The following MTO1 variants were observed in gnomAD, a reference collection of about 807,000 sequenced individuals.
The protein encoded by MTO1 is 5-taurinomethyluridine-[tRNA] synthase subunit MTO1, mitochondrial.
Under a neutral mutation model 71.6 loss-of-function variants are expected in MTO1, and 46 were observed. The observed-to-expected ratio is 0.64, with a 90% CI of 0.51 to 0.82. The LOEUF (loss-of-function observed/expected upper bound fraction) is 0.82. MTO1 is among the 40% of genes least tolerant of loss of function. The pLI is 0.00. For missense variants in MTO1, 773 were observed against 867.5 expected (o/e 0.89, Z 1.37); for synonymous variants, 297 against 312.1 (o/e 0.95, Z 0.51).
intron 10 of MTO1, 121 bp from the exon 11 acceptor site, chr6:73,497,615 G>C: frequency 1.1e-6 from 1 of 944,664 alleles, no homozygotes; most frequent in Non-Finnish European, 1.6e-6. Context: ...CTCATGAAAT[G>C]AGTGTTGAAT....
rs1772207819 is a variant in MTO1, at chr6:73,503,196, TCTC to T, written c.*2464_*2466del. On this transcript the variant is annotated 3_prime_UTR_variant, in exon 12 of 12. Coordinates refer to ENST00000498286, the MANE Select transcript of MTO1 (RefSeq NM_012123.4). ...CAATCATAGCTCACTGCAGCCTTGA[TCTC>T]CTGGGCTCAAGTGATCCTTATGCCT... 1 of 152,102 alleles carries T rather than the reference TCTC, an allele frequency of 6.6e-6. No individual in the cohort carries two copies. The highest frequency in any genetic ancestry group is 1.5e-5 in the Non-Finnish European group (1 of 68,048). The allele number at this position is 152,102 out of a possible 1,614,324, so 9.4% of individuals were successfully genotyped here.
Position 73,506,234 on chromosome 6 carries a change from C to G in MTO1, c.*5499C>G, listed in dbSNP as rs1772281157. On this transcript the variant is annotated 3_prime_UTR_variant, in exon 12 of 12. Coordinates refer to ENST00000498286, the MANE Select transcript of MTO1 (RefSeq NM_012123.4). ...CCTCGTGATCCACCTCCCTCAGCCTCTCAAAGTGCTGGGATTACAGGCATG... is the reference window on the plus strand; with the variant it reads ...CCTCGTGATCCACCTCCCTCAGCCTGTCAAAGTGCTGGGATTACAGGCATG... 6.6e-6 allele frequency: 1 copy of G among 152,310 alleles called. No individual in the cohort carries two copies. Among genetic ancestry groups the G allele is most frequent in the South Asian group, 2.1e-4 (1 of 4,834 alleles). The allele number at this position is 152,310 out of a possible 1,614,324, so 9.4% of individuals were successfully genotyped here.
chr6:73,469,953 C>T (rs772437344), intron 3 of MTO1, among the ~76,000 whole-genome samples: 3 of 151,932 alleles, frequency 2.0e-5, no homozygotes, highest in Admixed American at 6.6e-5. Context: ...TGTGGTAAGC[C>T]GTGATAGTGC....
At position 73,461,847 on chromosome 6, in the gene MTO1, C is replaced by A. The variant is rs1196999388; in HGVS notation, c.-8C>A. 6.2e-7 allele frequency: 1 copy of A among 1,607,812 alleles called. No individual in the cohort carries two copies. Among genetic ancestry groups the A allele is most frequent in the Non-Finnish European group, 8.5e-7 (1 of 1,174,668 alleles). ...CAGCTTCAAAGTCAGATAGATTTTTCTCCCAGCATGTTCTACTTCCGAGGC... is the reference window on the plus strand; with the variant it reads ...CAGCTTCAAAGTCAGATAGATTTTTATCCCAGCATGTTCTACTTCCGAGGC... On this transcript the variant is annotated 5_prime_UTR_variant, in exon 1 of 12. Coordinates refer to ENST00000498286, the MANE Select transcript of MTO1 (RefSeq NM_012123.4).
intron 9 of MTO1, among the ~76,000 whole-genome samples, chr6:73,483,695 G>A (rs1025146789): frequency 1.3e-5 from 2 of 151,606 alleles, no homozygotes; most frequent in African/African-American, 2.4e-5. Context: ...TCGGCTCATC[G>A]CAACCTCCCA....
intron 9 of MTO1, among the ~76,000 whole-genome samples, chr6:73,489,489 A>G (rs561815760): frequency 7.7e-5 from 10 of 129,730 alleles, no homozygotes; most frequent in East Asian, 4.9e-4. Context: ...CCTGTGTCCA[A>G]GTGTTCTCAT....
At chr6:73,466,663 A>G (rs1311468408) in intron 3 of MTO1, 57 bp downstream of exon 3, 1 of 1,487,592 alleles carries the variant, frequency 6.7e-7, no homozygotes, top group African/African-American at 1.4e-5. Context: ...CATGTGAGAA[A>G]TTTATTTTAG....
At chr6:73,469,876 A>G (rs1049506411) in intron 3 of MTO1, among the ~76,000 whole-genome samples, 5 of 151,542 alleles carry the variant, frequency 3.3e-5, no homozygotes, top group African/African-American at 1.2e-4. Context: ...GTGGTGGCAC[A>G]TGCCTGTAAT....
chr6:73,493,934 T>C (rs1771908912), intron 10 of MTO1, among the ~76,000 whole-genome samples: 1 of 152,024 alleles, frequency 6.6e-6, no homozygotes, highest in Non-Finnish European at 1.5e-5. Flanking sequence ...TGAAAATTTT[T>C]ATTATGAAAA....
Position 73,479,979 on chromosome 6 carries a change from C to T in MTO1, c.982C>T (p.Arg328Cys), listed in dbSNP as rs369718258. The T allele has an allele frequency of 6.8e-6, 11 of 1,613,262 alleles. No homozygotes were observed. The highest frequency in any genetic ancestry group is 6.7e-5 in the African/African-American group (5 of 74,850). ...IESKVLRFPN[R>C]LHQVWLEPEG... Reference sequence around the variant, plus strand: ...ATCAAAAGTTTTGCGTTTTCCAAACCGTCTACATCAGGTTTGGTTGGAACC... The same window carrying T: ...ATCAAAAGTTTTGCGTTTTCCAAACTGTCTACATCAGGTTTGGTTGGAACC... The change falls in exon 6 of 12, where the codon CGT (arginine) becomes TGT (cysteine). Residue 328 changes from arginine (R) to cysteine (C), a missense_variant. By Grantham distance (180) the Arg-to-Cys change is radical. Transcript: ENST00000498286.
intron 6 of MTO1, 32 bp downstream of exon 6, chr6:73,480,158 A>C: frequency 6.2e-7 from 1 of 1,603,606 alleles, no homozygotes; most frequent in South Asian, 1.1e-5. Flanking sequence ...CTTCAGTATA[A>C]GGTCAGCATT....
chr6:73,494,289 A>T (rs1160154406), intron 10 of MTO1, among the ~76,000 whole-genome samples: 1 of 152,120 alleles, frequency 6.6e-6, no homozygotes, highest in South Asian at 2.1e-4. Flanking sequence ...GCATTTTGAT[A>T]GAAGGTGTTT....
intron 4 of MTO1, among the ~76,000 whole-genome samples, chr6:73,477,516 T>G (rs1281995885): frequency 2.0e-5 from 3 of 151,456 alleles, no homozygotes; most frequent in Non-Finnish European, 4.4e-5. Context: ...CAGCTTTTTT[T>G]TTTTTTTTGA....
Position 73,506,394 on chromosome 6 carries a change from G to A in MTO1, c.*5659G>A, listed in dbSNP as rs1772287733. ...TGTTGTGGGAGGGACCCACAGGGAG[G>A]TAATTGAATCACAAGGGCCGGTTTT... On this transcript the variant is annotated 3_prime_UTR_variant, in exon 12 of 12. Transcript: ENST00000498286. The A allele has an allele frequency of 6.6e-6, 1 of 152,318 alleles. No individual in the cohort carries two copies. The highest frequency in any genetic ancestry group is 1.5e-5 in the Non-Finnish European group (1 of 68,162). 9.4% of individuals were successfully genotyped at this position (152,318 alleles called of 1,614,324 possible). A position where few individuals can be genotyped will look rare whatever the true frequency, so the allele number is the denominator to read the frequency against.
At chr6:73,487,949 A>C (rs1016234045) in intron 9 of MTO1, 14 of 152,122 alleles carry the variant, frequency 9.2e-5, no homozygotes, top group Admixed American at 2.6e-4. Flanking sequence ...TCCCTTCAAC[A>C]GTGCACAAGA....
chr6:73,463,102 C>T (rs1323690884), intron 1 of MTO1, among the ~76,000 whole-genome samples: 1 of 151,542 alleles, frequency 6.6e-6, no homozygotes, highest in Non-Finnish European at 1.5e-5. Context: ...CGGCTCACTG[C>T]AAGCTCCGCC....
chr6:73,495,035 G>A (rs913652409), intron 10 of MTO1, among the ~76,000 whole-genome samples: 5 of 151,996 alleles, frequency 3.3e-5, no homozygotes, highest in African/African-American at 7.2e-5. Flanking sequence ...TGCCCACTTC[G>A]GCCTCCCAAA....
chr6:73,464,363 G>A (rs1038152294), intron 1 of MTO1, among the ~76,000 whole-genome samples: 3 of 152,044 alleles, frequency 2.0e-5, no homozygotes, highest in African/African-American at 7.2e-5. Flanking sequence ...CATGATCACA[G>A]AGCTCATAAG....
At chr6:73,481,368 T>G (rs530223633) in intron 7 of MTO1, among the ~76,000 whole-genome samples, 1 of 152,202 alleles carries the variant, frequency 6.6e-6, no homozygotes, top group Non-Finnish European at 1.5e-5. Flanking sequence ...TTTAATATAC[T>G]TCATTAGAAA....
Sources: allele counts gnomAD v4.1 joint callset (sites outside exome capture counted in the v4.1 genomes callset), GRCh38; gene constraint gnomAD v4.1.1; transcripts MANE v1.5; gene names NCBI Gene and HGNC (gene_info 2026-07-23, HGNC 2026-07-21).